CCDC148: variants seen among roughly 807,000 people sequenced by gnomAD.
CCDC148 encodes coiled-coil domain containing 148, also known as coiled-coil domain-containing protein 148.
CCDC148 carries 89 observed loss-of-function variants against 85.7 expected under a neutral mutation model. That is an observed-to-expected ratio of 1.04 (90% CI 0.87 to 1.24). The LOEUF (loss-of-function observed/expected upper bound fraction) is 1.24. Ranked by LOEUF, CCDC148 falls within the 50% of genes most tolerant of loss-of-function variation. The probability of loss-of-function intolerance (pLI) is 0.00; values close to 1 mark genes in which losing one functional copy is unlikely to be tolerated. For missense variants in CCDC148, 692 were observed against 671.7 expected, an observed-to-expected ratio of 1.03 and a Z score of -0.33; for synonymous variants, 230 against 213.9, an observed-to-expected ratio of 1.08 and a Z score of -0.66.
chr2:158,217,246 T>A (rs1349382417), intron 11 of CCDC148, among the ~76,000 whole-genome samples: 1 of 150,282 alleles, frequency 6.7e-6, no homozygotes, highest in Non-Finnish European at 1.5e-5. Context: ...TTGCCAGTAC[T>A]CAACCATTTT....
chr2:158,193,806 T>C (rs1685531584), intron 11 of CCDC148, among the ~76,000 whole-genome samples: 1 of 151,822 alleles, frequency 6.6e-6, no homozygotes, highest in Non-Finnish European at 1.5e-5. Context: ...AAATAATCCA[T>C]TTGCATAAAA....
chr2:158,376,693 G>A (rs1266062355), intron 1 of CCDC148, among the ~76,000 whole-genome samples: 2 of 151,840 alleles, frequency 1.3e-5, no homozygotes, highest in African/African-American at 4.8e-5. Flanking sequence ...AAAGGAAGAG[G>A]GAGGAAAAAG....
At chr2:158,250,548 C>T (rs1267303722) in intron 10 of CCDC148, among the ~76,000 whole-genome samples, 1 of 149,886 alleles carries the variant, frequency 6.7e-6, no homozygotes, top group Non-Finnish European at 1.5e-5. Flanking sequence ...CTCTTCTAAT[C>T]ACAGGTACCT....
At chr2:158,352,797 A>C in intron 2 of CCDC148, among the ~76,000 whole-genome samples, 1 of 151,978 alleles carries the variant, frequency 6.6e-6, no homozygotes, top group Non-Finnish European at 1.5e-5. Context: ...AGTTGAAATG[A>C]AGGAAAAAAT....
In CCDC148 at chr2:158,392,012, A is replaced by G. The variant is rs950836269; in HGVS notation, c.26-33442T>C. Among the ~76,000 whole-genome samples the G allele has an allele frequency of 2.0e-4, 31 of 152,218 alleles. 1 individual carries two copies. The highest frequency in any genetic ancestry group is 1.0e-3 in the Admixed American group (16 of 15,276). On this transcript the variant is annotated intron_variant, in intron 1 of 13. Coordinates refer to ENST00000283233, the MANE Select transcript of CCDC148 (RefSeq NM_138803.4). Reference sequence around the variant, plus strand: ...TATCTCCCTTTCCCCATGAGACAGAAAGTGATGACTTCACCAGATAAATTC... The same window carrying G: ...TATCTCCCTTTCCCCATGAGACAGAGAGTGATGACTTCACCAGATAAATTC...
chr2:158,328,362 C>A (rs1488606436), intron 7 of CCDC148, among the ~76,000 whole-genome samples: 1 of 152,130 alleles, frequency 6.6e-6, no homozygotes, highest in African/African-American at 2.4e-5. Flanking sequence ...TTTATGGCTG[C>A]ATAGTGTTCC....
In CCDC148 at chr2:158,309,443, A is replaced by C; in HGVS notation, c.1100T>G (p.Leu367Arg). 1 of 1,613,288 alleles carries C rather than the reference A, an allele frequency of 6.2e-7. No individual in the cohort carries two copies. Residue 367 changes from leucine to arginine, a missense_variant, in exon 9 of 14, where the codon CTG becomes CGG. Leu to Arg is a moderately radical substitution (Grantham distance 102). Coordinates refer to ENST00000283233, the MANE Select transcript of CCDC148 (RefSeq NM_138803.4). ...KKKQQELCAD[L>R]KAKVRQWRAH... Reference sequence around the variant, plus strand: ...TGTGCAGCATCTTACCTTGGCTTTCAGATCAGCACACAATTCCTGTTGCTT... The same window carrying C: ...TGTGCAGCATCTTACCTTGGCTTTCCGATCAGCACACAATTCCTGTTGCTT...
chr2:158,309,802 C>T lies in CCDC148; in HGVS notation c.904-163G>A, dbSNP rs138142378. On this transcript the variant is annotated intron_variant, in intron 8 of 13. Transcript: ENST00000283233. ...ACAGCAACCAGAAACCAGGTACTACCGCCAAAATTCTGAACCCATGGCTAA... is the reference window on the plus strand; with the variant it reads ...ACAGCAACCAGAAACCAGGTACTACTGCCAAAATTCTGAACCCATGGCTAA... Among the ~76,000 whole-genome samples, 443 of 152,284 alleles carry T rather than the reference C, an allele frequency of 2.9e-3. 3 individuals carry two copies. Among genetic ancestry groups the T allele is most frequent in the African/African-American group, 9.7e-3 (404 of 41,566 alleles).
intron 1 of CCDC148, among the ~76,000 whole-genome samples, chr2:158,365,089 A>G (rs1394762687): frequency 6.6e-6 from 1 of 152,206 alleles, no homozygotes; most frequent in Non-Finnish European, 1.5e-5. Flanking sequence ...AGAAATCCAA[A>G]TCAAAACCAC....
At position 158,309,624 on chromosome 2, in the gene CCDC148, A is replaced by G. The variant is rs1691875245; in HGVS notation, c.919T>C (p.Tyr307His). Residue 307 changes from tyrosine (Y) to histidine (H), a missense_variant, in exon 9 of 14, where the codon TAT becomes CAT. By Grantham distance (83) the Tyr-to-His change is moderately conservative. Transcript: ENST00000283233. ...ATAGCAAAGCGATATTGGTCACAATATTTCTCGTGTTCAACCTGAAAAGAT... is the reference window on the plus strand; with the variant it reads ...ATAGCAAAGCGATATTGGTCACAATGTTTCTCGTGTTCAACCTGAAAAGAT... ...SRHDLVEHEK[Y>H]CDQYRFAIEQ... 6.2e-7 allele frequency: 1 copy of G among 1,612,164 alleles called. No individual in the cohort carries two copies. The highest frequency in any genetic ancestry group is 1.3e-5 in the African/African-American group (1 of 75,020).
intron 10 of CCDC148, among the ~76,000 whole-genome samples, chr2:158,246,432 C>G (rs1688572401): frequency 2.0e-5 from 3 of 152,124 alleles, no homozygotes; most frequent in Admixed American, 6.6e-5. Flanking sequence ...AATCTCCTTT[C>G]CTACCTCAAA....
intron 11 of CCDC148, among the ~76,000 whole-genome samples, chr2:158,209,096 A>G (rs951047375): frequency 1.4e-5 from 2 of 139,588 alleles, no homozygotes; most frequent in South Asian, 4.6e-4. Context: ...ATGTGTATGT[A>G]TGTATATATA....
chr2:158,445,959 C>T (rs1448026780), intron 1 of CCDC148, among the ~76,000 whole-genome samples: 1 of 152,124 alleles, frequency 6.6e-6, no homozygotes, highest in African/African-American at 2.4e-5. Flanking sequence ...CACCCCCATA[C>T]TTGGCTTTAA....
chr2:158,342,016 A>ATTTTGTTTTT (rs1559083849), intron 3 of CCDC148, among the ~76,000 whole-genome samples: 1 of 102,878 alleles, frequency 9.7e-6, no homozygotes, highest in Non-Finnish European at 1.8e-5. Context: ...ACGTGTCATT[A>ATTTTGTTTTT]TTTTCTTTTC....
intron 1 of CCDC148, among the ~76,000 whole-genome samples, chr2:158,440,957 G>T (rs547039932): frequency 6.6e-6 from 1 of 152,222 alleles, no homozygotes; most frequent in South Asian, 2.1e-4. Context: ...TGAGTCAGGA[G>T]CATTGCTTGA....
At chr2:158,292,345 T>G (rs967389183) in intron 9 of CCDC148, among the ~76,000 whole-genome samples, 7 of 152,340 alleles carry the variant, frequency 4.6e-5, no homozygotes, top group Non-Finnish European at 1.0e-4. Context: ...GAGAATGATA[T>G]GCTCCACTAG....
chr2:158,286,911 A>G (rs1690653963), intron 9 of CCDC148, among the ~76,000 whole-genome samples: 1 of 152,218 alleles, frequency 6.6e-6, no homozygotes, highest in African/African-American at 2.4e-5. Flanking sequence ...TCATGACTGT[A>G]TTAGTCCGTT....
At chr2:158,325,660 C>T (rs1016288425) in intron 7 of CCDC148, among the ~76,000 whole-genome samples, 2 of 152,160 alleles carry the variant, frequency 1.3e-5, no homozygotes, top group Non-Finnish European at 2.9e-5. Flanking sequence ...GCATCTCAAC[C>T]TCATCGTGTC....
intron 11 of CCDC148, among the ~76,000 whole-genome samples, chr2:158,191,269 C>T (rs575506006): frequency 1.2e-4 from 18 of 152,148 alleles, no homozygotes; most frequent in African/African-American, 4.3e-4. Context: ...CCATTACATT[C>T]TCTTTCTTCC....
Sources: gnomAD v4.1 joint callset for allele counts (sites outside exome capture counted in the v4.1 genomes callset) on GRCh38, gnomAD v4.1.1 for gene constraint, MANE v1.5 for transcripts, NCBI Gene and HGNC (gene_info 2026-07-23, HGNC 2026-07-21) for gene names.